The following LRP1B variants were observed in gnomAD, a reference collection of about 807,000 sequenced individuals.
LRP1B encodes LDL receptor related protein 1B.
In LRP1B, 217 loss-of-function variants were observed where a neutral mutation model predicts 556.6. That is an observed-to-expected ratio of 0.39 (90% CI 0.35 to 0.44). The LOEUF (loss-of-function observed/expected upper bound fraction) is 0.44. Ranked by LOEUF, LRP1B falls within the 20% of genes least tolerant of loss-of-function variation. The pLI is 1.00. For missense variants in LRP1B, 5,053 were observed against 5,620.8 expected (o/e 0.90, Z 3.23); for synonymous variants, 2,047 against 1,865.8 (o/e 1.10, Z -2.50).
At chr2:140,532,947 T>TATAC in intron 47 of LRP1B, among the ~76,000 whole-genome samples, 5 of 124,274 alleles carry the variant, frequency 4.0e-5, no homozygotes, top group South Asian at 2.7e-4. Context: ...TATATATATA[T>TATAC]ACACATATAT....
chr2:140,246,982 A>G, intron 87 of LRP1B, 104 bp downstream of exon 87: 1 of 774,406 alleles, frequency 1.3e-6, no homozygotes, highest in South Asian at 1.6e-5. Context: ...TCTCTTATAA[A>G]ATTCCATGAA....
At chr2:142,116,286 C>G (rs6707136) in intron 1 of LRP1B, among the ~76,000 whole-genome samples, 1 of 150,646 alleles carries the variant, frequency 6.6e-6, no homozygotes, top group Non-Finnish European at 1.5e-5. Context: ...TATTGTCATG[C>G]ATTTCCCAAG....
chr2:141,775,145 G>A (rs1191544202), intron 2 of LRP1B, among the ~76,000 whole-genome samples: 1 of 152,162 alleles, frequency 6.6e-6, no homozygotes, highest in Non-Finnish European at 1.5e-5. Context: ...ACATTGCAAT[G>A]GACTGAAAGA....
At chr2:141,237,207 G>C (rs1324077952) in intron 5 of LRP1B, among the ~76,000 whole-genome samples, 2 of 152,118 alleles carry the variant, frequency 1.3e-5, no homozygotes, top group East Asian at 3.8e-4. Flanking sequence ...GTAGATGTGG[G>C]TCATGGGGAT....
In LRP1B at chr2:141,707,890, T is replaced by A. The variant is rs1574266745; in HGVS notation, c.205+102389A>T. On this transcript the variant is annotated intron_variant, in intron 2 of 90. Coordinates refer to ENST00000389484, the MANE Select transcript of LRP1B (RefSeq NM_018557.3). ...ATAGGCATTGTTCTAGGTGTTACATTTGTGTACTAAGAATTTTTTTAAATT... is the reference window on the plus strand; with the variant it reads ...ATAGGCATTGTTCTAGGTGTTACATATGTGTACTAAGAATTTTTTTAAATT... Among the ~76,000 whole-genome samples the A allele has an allele frequency of 2.6e-5, 4 of 152,236 alleles. No individual in the cohort carries two copies. In the South Asian group the frequency reaches 8.3e-4, roughly 32 times the overall value.
chr2:141,874,793 C>T (rs1030306189), intron 1 of LRP1B, among the ~76,000 whole-genome samples: 1 of 151,784 alleles, frequency 6.6e-6, no homozygotes, highest in Non-Finnish European at 1.5e-5. Flanking sequence ...TTTTATTTCC[C>T]ATGGGATTAA....
chr2:141,865,375 G>A (rs1698374812), intron 1 of LRP1B, among the ~76,000 whole-genome samples: 1 of 151,692 alleles, frequency 6.6e-6, no homozygotes, highest in African/African-American at 2.4e-5. Flanking sequence ...GGCGGATCAC[G>A]AGGTCAGGAG....
At chr2:141,331,514 C>CTTTAT (rs1224196914) in intron 3 of LRP1B, among the ~76,000 whole-genome samples, 1 of 63,080 alleles carries the variant, frequency 1.6e-5, no homozygotes, top group African/African-American at 8.4e-5. Context: ...TTCTTTCTTT[C>CTTTAT]TTTCTTTCTC....
intron 50 of LRP1B, among the ~76,000 whole-genome samples, chr2:140,515,944 A>G (rs1689877258): frequency 6.6e-6 from 1 of 152,080 alleles, no homozygotes; most frequent in African/African-American, 2.4e-5. Flanking sequence ...AAATGTAAAT[A>G]GTGAATATAT....
At position 140,881,320 on chromosome 2, in the gene LRP1B, T is replaced by A. The variant is rs539834312; in HGVS notation, c.4169+2497A>T. Reference sequence around the variant, plus strand: ...GTTGCTATGTTTTAAGCCTACCTTGTGAAAGGTCCAATATATTAAACTAAC... The same window carrying A: ...GTTGCTATGTTTTAAGCCTACCTTGAGAAAGGTCCAATATATTAAACTAAC... On this transcript the variant is annotated intron_variant, in intron 25 of 90. Coordinates refer to ENST00000389484, the MANE Select transcript of LRP1B (RefSeq NM_018557.3). Among the ~76,000 whole-genome samples, 45 of 151,952 alleles carry A rather than the reference T, an allele frequency of 3.0e-4. 1 individual carries two copies. In the South Asian group the frequency reaches 8.9e-3, roughly 30 times the overall value.
chr2:140,711,223 T>G (rs769425799), intron 37 of LRP1B, among the ~76,000 whole-genome samples: 56 of 152,090 alleles, frequency 3.7e-4, no homozygotes, highest in Non-Finnish European at 6.2e-4. Flanking sequence ...ATTTATTTAT[T>G]GCTTTACCAC....
Position 141,442,119 on chromosome 2 carries a change from G to A in LRP1B, c.343+38277C>T, listed in dbSNP as rs186423168. Among the ~76,000 whole-genome samples the A allele has an allele frequency of 2.0e-3, 311 of 152,204 alleles. 1 individual carries two copies. Among genetic ancestry groups the A allele is most frequent in the Non-Finnish European group, 3.5e-3 (236 of 68,000 alleles). On this transcript the variant is annotated intron_variant, in intron 3 of 90. Coordinates refer to ENST00000389484, the MANE Select transcript of LRP1B (RefSeq NM_018557.3). ...TAAATTTCATGAAAAGACTGGAAAT[G>A]CTTTTCCTTTTCCATTTCCAAATTG...
intron 7 of LRP1B, among the ~76,000 whole-genome samples, chr2:141,104,873 A>G (rs1484075919): frequency 1.3e-5 from 2 of 152,000 alleles, no homozygotes; most frequent in African/African-American, 2.4e-5. Context: ...TATTGAGTCT[A>G]TGATCTTTTC....
intron 2 of LRP1B, among the ~76,000 whole-genome samples, chr2:141,809,653 A>G (rs1290083909): frequency 2.0e-5 from 3 of 152,078 alleles, no homozygotes; most frequent in African/African-American, 7.2e-5. Flanking sequence ...TAGTAGTACA[A>G]CTATGATTAG....
chr2:141,051,159 A>T (rs1699024015), intron 10 of LRP1B, among the ~76,000 whole-genome samples: 1 of 152,126 alleles, frequency 6.6e-6, no homozygotes, highest in Non-Finnish European at 1.5e-5. Flanking sequence ...AGAAATAGAA[A>T]CGCTTTTACA....
intron 2 of LRP1B, among the ~76,000 whole-genome samples, chr2:141,723,981 C>T (rs192197887): frequency 6.6e-6 from 1 of 151,852 alleles, no homozygotes; most frequent in East Asian, 1.9e-4. Context: ...TATGGCTAAT[C>T]CTCATTTTTC....
intron 2 of LRP1B, among the ~76,000 whole-genome samples, chr2:141,759,353 G>A (rs989122049): frequency 1.3e-5 from 2 of 152,064 alleles, no homozygotes; most frequent in Non-Finnish European, 2.9e-5. Context: ...CGATACAAAG[G>A]AAAACCTTGA....
chr2:141,847,390 C>T (rs1697690759), intron 1 of LRP1B, among the ~76,000 whole-genome samples: 1 of 151,390 alleles, frequency 6.6e-6, no homozygotes, highest in Non-Finnish European at 1.5e-5. Context: ...TTTATAAATC[C>T]AATTCAACTC....
intron 15 of LRP1B, among the ~76,000 whole-genome samples, chr2:141,003,424 C>A (rs1697481843): frequency 6.6e-6 from 1 of 151,918 alleles, no homozygotes; most frequent in Non-Finnish European, 1.5e-5. Context: ...TGTGTCCCCA[C>A]CCAAATCTTG....
Sources: allele counts gnomAD v4.1 joint callset (sites outside exome capture counted in the v4.1 genomes callset), GRCh38; gene constraint gnomAD v4.1.1; transcripts MANE v1.5; gene names NCBI Gene and HGNC (gene_info 2026-07-23, HGNC 2026-07-21).